Variants in KLF8 observed in about 807,000 individuals in gnomAD.
KLF8 encodes Krueppel-like factor 8.
A neutral mutation model predicts 18.2 loss-of-function variants in KLF8; 10 were observed. That is an observed-to-expected ratio of 0.55 (90% confidence interval 0.34 to 0.93). The LOEUF is 0.93. KLF8 is among the 40% of genes least tolerant of loss of function. The pLI, the probability that KLF8 is intolerant of heterozygous loss-of-function variation, is 0.02. For synonymous variants in KLF8, 109 were observed against 97.3 expected (o/e 1.12, Z -0.71); for missense variants, 264 against 277.9 (o/e 0.95, Z 0.36).
chrX:56,206,399 G>C, the KLF8 span, among the ~76,000 whole-genome samples: 1 of 112,058 alleles, frequency 8.9e-6, no homozygotes, highest in Non-Finnish European at 1.9e-5. Flanking sequence ...TCAAAAGCTA[G>C]TTAGTTACTT....
At chrX:56,067,528 G>T in the KLF8 span, among the ~76,000 whole-genome samples, 1 of 111,234 alleles carries the variant, frequency 9.0e-6, no homozygotes, top group Non-Finnish European at 1.9e-5. Flanking sequence ...TCTGCAGGTT[G>T]ATCTTCTGAG....
chrX:56,061,808 A>C, the KLF8 span, among the ~76,000 whole-genome samples: 9,725 of 109,866 alleles, frequency 0.089, 1,086 homozygotes, highest in African/African-American at 0.31. Context: ...GTCTCTTTGT[A>C]GGTCTCTAAG....
At chrX:55,957,148 G>C in the KLF8 span, among the ~76,000 whole-genome samples, 4 of 111,632 alleles carry the variant, frequency 3.6e-5, no homozygotes, top group South Asian at 3.8e-4. Context: ...TGAGGAGACT[G>C]TCCTTTCCTC....
At chrX:56,008,139 C>T in the KLF8 span, among the ~76,000 whole-genome samples, 4 of 98,643 alleles carry the variant, frequency 4.1e-5, no homozygotes, top group East Asian at 3.0e-4. Context: ...TATATATATA[C>T]ACACACAAAT....
At chrX:55,922,716 T>C in the KLF8 span, among the ~76,000 whole-genome samples, 1 of 111,768 alleles carries the variant, frequency 8.9e-6, no homozygotes, top group South Asian at 3.7e-4. Context: ...AACAAACATA[T>C]GAAAAAAAGC....
the KLF8 span, among the ~76,000 whole-genome samples, chrX:56,077,356 A>G: frequency 3.6e-5 from 4 of 112,161 alleles, no homozygotes; most frequent in Non-Finnish European, 5.6e-5. Flanking sequence ...AGCTTTCTAC[A>G]TATGGCTAGC....
At chrX:56,175,827 G>A in the KLF8 span, among the ~76,000 whole-genome samples, 4 of 111,546 alleles carry the variant, frequency 3.6e-5, 1 homozygote, top group South Asian at 1.5e-3. Context: ...TTTTCTTATT[G>A]AATTGATCCC....
chrX:56,034,248 C>G, the KLF8 span, among the ~76,000 whole-genome samples: 1 of 111,748 alleles, frequency 8.9e-6, no homozygotes, highest in African/African-American at 3.3e-5. Context: ...TTCAGTTTAC[C>G]CAACATCATT....
At chrX:56,031,536 A>G in the KLF8 span, among the ~76,000 whole-genome samples, 2 of 111,714 alleles carry the variant, frequency 1.8e-5, no homozygotes, top group South Asian at 3.8e-4. Context: ...GGCTTGCCAC[A>G]CACTGCTCTG....
chrX:56,287,540 A>G lies in KLF8; in HGVS notation c.*3046A>G, dbSNP rs180869042. ...CTTATGGCATCGATAGGGTTGGATA[A>G]TATTCTGGGATTTGTTGCAGCAGAA... is the stretch of plus-strand genomic sequence containing the variant. On this transcript the variant is annotated 3_prime_UTR_variant, in exon 6 of 6. Coordinates refer to ENST00000468660, the MANE Select transcript of KLF8 (RefSeq NM_007250.5). 1.5e-4 allele frequency: 17 copies of G among 111,890 alleles called. No homozygotes were observed. In the East Asian group the frequency reaches 4.5e-3, roughly 30 times the overall value. The allele number at this position is 111,890 out of a possible 1,213,427, so 9.2% of individuals were successfully genotyped here.
chrX:55,996,231 A>C, the KLF8 span, among the ~76,000 whole-genome samples: 1 of 111,457 alleles, frequency 9.0e-6, no homozygotes, highest in Non-Finnish European at 1.9e-5. Flanking sequence ...TTGATTCTTA[A>C]AGTGGCTATT....
At chrX:56,160,851 AGT>A in the KLF8 span, among the ~76,000 whole-genome samples, 2 of 111,269 alleles carry the variant, frequency 1.8e-5, no homozygotes, top group African/African-American at 6.5e-5. Flanking sequence ...CCAATTTGCC[AGT>A]CTGTGTCTTT....
At chrX:56,138,046 C>A in the KLF8 span, among the ~76,000 whole-genome samples, 154 of 56,565 alleles carry the variant, frequency 2.7e-3, no homozygotes, top group South Asian at 8.3e-3. Context: ...CACAGAAATA[C>A]AAAAAAAAAA....
At chrX:55,931,005 A>G in the KLF8 span, among the ~76,000 whole-genome samples, 2 of 111,761 alleles carry the variant, frequency 1.8e-5, no homozygotes, top group South Asian at 3.7e-4. Context: ...CTGTGAATCC[A>G]TCTGGTCCTG....
At chrX:56,189,124 G>A in the KLF8 span, among the ~76,000 whole-genome samples, 1 of 111,443 alleles carries the variant, frequency 9.0e-6, no homozygotes, top group African/African-American at 3.3e-5. Context: ...CTACTCATCT[G>A]ACAAAGGGCT....
the KLF8 span, among the ~76,000 whole-genome samples, chrX:56,180,464 C>T: frequency 9.0e-6 from 1 of 111,008 alleles, no homozygotes; most frequent in Non-Finnish European, 1.9e-5. Flanking sequence ...CTATCTCCTT[C>T]AGTTCTGCCC....
the KLF8 span, chrX:55,961,695 C>T: frequency 2.5e-6 from 1 of 399,279 alleles, no homozygotes. Context: ...AATCACACAC[C>T]CATCTTCAGG....
chrX:56,201,544 T>G, the KLF8 span, among the ~76,000 whole-genome samples: 12 of 111,541 alleles, frequency 1.1e-4, no homozygotes, highest in Admixed American at 9.5e-5. Context: ...GCATAGTGCT[T>G]ATACTTATCA....
the KLF8 span, among the ~76,000 whole-genome samples, chrX:56,057,301 T>G: frequency 9.0e-6 from 1 of 111,399 alleles, no homozygotes; most frequent in Non-Finnish European, 1.9e-5. Context: ...GCTGATTCTG[T>G]GCTTGCCAAG....
Sources: allele counts gnomAD v4.1 joint callset (sites outside exome capture counted in the v4.1 genomes callset), GRCh38; gene constraint gnomAD v4.1.1; transcripts MANE v1.5; gene names NCBI Gene and HGNC (gene_info 2026-07-23, HGNC 2026-07-21).